FGG: variants seen among roughly 807,000 people sequenced by gnomAD.
FGG encodes fibrinogen gamma chain.
FGG carries 20 observed loss-of-function variants against 51.7 expected under a neutral mutation model. The ratio of observed to expected loss-of-function variants is 0.39; its 90% CI spans 0.27 to 0.56. The LOEUF is 0.56. FGG is among the 20% of genes least tolerant of loss of function. FGG has a pLI of 0.64. For missense variants in FGG, 460 were observed against 534.2 expected, an observed-to-expected ratio of 0.86 and a Z score of 1.37; for synonymous variants, 184 against 184.7, an observed-to-expected ratio of 1.00 and a Z score of 0.03.
chr4:154,610,299 C>A, intron 4 of FGG, 102 bp from the exon 5 acceptor site: 1 of 861,280 alleles, frequency 1.2e-6, no homozygotes, highest in Admixed American at 2.4e-5. Flanking sequence ...TAAGTATTTT[C>A]TTAAGAAGTG....
chr4:154,608,928 G>A (rs1731151557), intron 6 of FGG, among the ~76,000 whole-genome samples: 1 of 152,136 alleles, frequency 6.6e-6, no homozygotes, highest in Non-Finnish European at 1.5e-5. Context: ...ATATTAAAAA[G>A]ACACCTAGAC....
intron 8 of FGG, 33 bp downstream of exon 8, chr4:154,606,672 C>T (rs1313347218): frequency 6.2e-7 from 1 of 1,606,920 alleles, no homozygotes. Context: ...ATACACTATA[C>T]ATTAACTTGG....
intron 4 of FGG, chr4:154,611,316 G>C (rs1398406912): frequency 6.3e-6 from 1 of 157,852 alleles, no homozygotes; most frequent in East Asian, 1.9e-4. Context: ...TGATCAATAT[G>C]AGCTTTGCAA....
Position 154,608,693 on chromosome 4 carries a change from C to T in FGG, c.667-43G>A, listed in dbSNP as rs770956045. The stretch of plus-strand genomic sequence containing the variant: ...AGAGCAAAAGGAGAAAATAGACTAT[C>T]AATGCATGTAAAGAGAATGCTGTCA... On this transcript the variant is annotated intron_variant, in intron 6 of 8. Transcript: ENST00000336098. 5 of 1,534,826 alleles carry T rather than the reference C, an allele frequency of 3.3e-6. No individual in the cohort carries two copies. The East Asian group carries it at 6.7e-5, about 21-fold the overall frequency.
Position 154,612,186 on chromosome 4 carries a change from T to C in FGG, c.139A>G (p.Thr47Ala). ...LDERFGSYCP[T>A]TCGIADFLST... is the part of the protein sequence containing the mutation. ...AGGAAATCTGCAATGCCACAGGTAG[T>C]TGGACAATAACTACCCTGAAAATAT... The change falls in exon 3 of 9, where the codon ACT (threonine) becomes GCT (alanine). Residue 47 changes from threonine to alanine, a missense_variant. By Grantham distance (58) the Thr-to-Ala change is moderately conservative. This residue lies in a region of FGG where 353 missense variants were observed against 391.7 expected (regional missense o/e 0.90). Transcript: ENST00000336098. 1 of 1,610,150 alleles carries C rather than the reference T, an allele frequency of 6.2e-7. No homozygotes were observed. The highest frequency in any genetic ancestry group is 8.5e-7 in the Non-Finnish European group (1 of 1,178,012).
chr4:154,604,701 T>A lies in FGG; in HGVS notation c.*133A>T. 6.7e-7 allele frequency: 1 copy of A among 1,496,662 alleles called. No homozygotes were observed. The highest frequency in any genetic ancestry group is 1.3e-5 in the South Asian group (1 of 74,980). 92.7% of individuals were successfully genotyped at this position (1,496,662 alleles called of 1,614,324 possible). ...TTTGGAAATACAGTCCTAAATGAGT[T>A]TTAATTTCCATTGAAGGCTAAATGT... On this transcript the variant is annotated 3_prime_UTR_variant, in exon 9 of 9. Transcript: ENST00000336098.
At position 154,608,583 on chromosome 4, in the gene FGG, G is replaced by A. The variant is rs145051028; in HGVS notation, c.734C>T (p.Ser245Phe). Residue 245 changes from serine to phenylalanine, a missense_variant, in exon 7 of 9, where the codon TCT becomes TTT. Ser to Phe is a radical substitution (Grantham distance 155). This residue lies in a region of FGG where 353 missense variants were observed against 391.7 expected (regional missense o/e 0.90). Transcript: ENST00000336098. ...CCAAAATTCTGTTGTGCCAGTAGGA[G>A]ACAGATGTCCAAATCCTTCTTTATA... ...IQYKEGFGHL[S>F]PTGTTEFWLG... 128 of 1,613,654 alleles carry A rather than the reference G, an allele frequency of 7.9e-5. No homozygotes were observed. In the African/African-American group the frequency reaches 1.5e-3, roughly 19 times the overall value.
Position 154,605,613 on chromosome 4 carries a change from A to C in FGG, c.1130-547T>G, listed in dbSNP as rs968916726. ...TGTAAAAGGCTTGTCAGAGCACAAC[A>C]CTGGCATGAACTACAGCTCTGGCAT... On this transcript the variant is annotated intron_variant, in intron 8 of 8. Transcript: ENST00000336098. Among the ~76,000 whole-genome samples the C allele has an allele frequency of 5.9e-5, 9 of 152,160 alleles. 1 individual carries two copies. The highest frequency in any genetic ancestry group is 1.2e-4 in the Non-Finnish European group (8 of 68,036).
chr4:154,608,372 C>A (rs1275965810), intron 7 of FGG, 94 bp downstream of exon 7: 12 of 1,256,050 alleles, frequency 9.6e-6, no homozygotes, highest in Non-Finnish European at 1.4e-5. Flanking sequence ...TTGCATTTGT[C>A]AGGCTGCATT....
intron 8 of FGG, among the ~76,000 whole-genome samples, chr4:154,606,201 C>T (rs961366712): frequency 2.9e-4 from 44 of 152,106 alleles, no homozygotes; most frequent in African/African-American, 9.4e-4. Flanking sequence ...AACCCCCATC[C>T]TAAAATAAGT....
intron 5 of FGG, 146 bp from the exon 6 acceptor site, chr4:154,609,909 G>GC: frequency 6.7e-7 from 1 of 1,499,958 alleles, no homozygotes. Context: ...CTTTTAAACT[G>GC]TTTTTTTTAG....
rs770425488 is a variant in FGG at position 154,604,934 on chromosome 4, C to T, written c.1262G>A (p.Gly421Glu). The change falls in exon 9 of 9, where the codon GGA (glycine) becomes GAA (glutamate). Residue 421 changes from glycine to glutamate, a missense_variant. Physicochemically the swap from Gly to Glu is moderately conservative, Grantham distance 98. Coordinates refer to ENST00000336098, the MANE Select transcript of FGG (RefSeq NM_021870.3). ...KIIPFNRLTIGEGQQHHLGGA... is the reference protein window; with the variant it reads ...KIIPFNRLTIEEGQQHHLGGA... ...CCCCAGGTGGTGTTGCTGTCCTTCT[C>T]CAATTGTGAGTCTGTTGAATGGGAT... 1 of 1,614,066 alleles carries T rather than the reference C, an allele frequency of 6.2e-7. No homozygotes were observed. Among genetic ancestry groups the T allele is most frequent in the South Asian group, 1.1e-5 (1 of 91,080 alleles).
At chr4:154,609,925 CA>C in intron 5 of FGG, 141 bp downstream of exon 5, 1 of 1,498,580 alleles carries the variant, frequency 6.7e-7, no homozygotes, top group Non-Finnish European at 9.2e-7. Flanking sequence ...TTTAGCTATT[CA>C]AGAAAGGTCT....
At chr4:154,609,920 C>A in intron 5 of FGG, 147 bp downstream of exon 5, 2 of 1,496,708 alleles carry the variant, frequency 1.3e-6, no homozygotes, top group Non-Finnish European at 1.8e-6. Flanking sequence ...TTTTTTTTAG[C>A]TATTCAAGAA....
In FGG at chr4:154,607,047, T is replaced by C. The variant is rs1017836427; in HGVS notation, c.852-65A>G. The C allele has an allele frequency of 1.6e-5, 24 of 1,492,888 alleles. No individual in the cohort carries two copies. The East Asian group carries it at 5.2e-4, about 33-fold the overall frequency. 92.5% of individuals were successfully genotyped at this position (1,492,888 alleles called of 1,614,324 possible). A position where few individuals can be genotyped will look rare whatever the true frequency, so the allele number is the denominator to read the frequency against. On this transcript the variant is annotated intron_variant, in intron 7 of 8. Coordinates refer to ENST00000336098, the MANE Select transcript of FGG (RefSeq NM_021870.3). ...CTCAGGGATCTCAGAAGTTCCCTCT[T>C]TCGTAGGATGCTTCCTTGGAATTTT...
Position 154,604,839 on chromosome 4 carries a change from A to C in FGG, c.1357T>G (p.Leu453Val). The change falls in exon 9 of 9, where the codon TTG becomes GTG. Residue 453 changes from leucine (L) to valine (V), a missense_variant. Leu to Val is a conservative substitution (Grantham distance 32, BLOSUM62 1). This residue lies in a region of FGG where 92 missense variants were observed against 93.7 expected (regional missense o/e 0.98). Transcript: ENST00000336098. ...AGAAGTTAGCAGTTAATTTTCTACA[A>C]ATCATCCTCAGGGTAAAGTGAGTCA... Reference protein sequence around the residue: ...EYDSLYPEDDL With the variant: ...EYDSLYPEDDV 1 of 1,613,998 alleles carries C rather than the reference A, an allele frequency of 6.2e-7. No individual in the cohort carries two copies. Among genetic ancestry groups the C allele is most frequent in the Non-Finnish European group, 8.5e-7 (1 of 1,179,950 alleles).
At position 154,612,376 on chromosome 4, in the gene FGG, A is replaced by G; in HGVS notation, c.123+15T>C. 1 of 1,612,690 alleles carries G rather than the reference A, an allele frequency of 6.2e-7. No individual in the cohort carries two copies. The highest frequency in any genetic ancestry group is 8.5e-7 in the Non-Finnish European group (1 of 1,179,764). On this transcript the variant is annotated intron_variant, in intron 2 of 8. Transcript: ENST00000336098. ...CCAGTTCACACACAAAGGGAGAAAC[A>G]TAAAAACTACTTACGAATCTTTCAT...
At position 154,604,465 on chromosome 4, in the gene FGG, G is replaced by A. The variant is rs1410429290; in HGVS notation, c.*369C>T. Reference sequence around the variant, plus strand: ...GGGGTAATAAACAAGGAAAATACCTGGGAATTTGAAACTCTAAAATGTTCT... The same window carrying A: ...GGGGTAATAAACAAGGAAAATACCTAGGAATTTGAAACTCTAAAATGTTCT... On this transcript the variant is annotated 3_prime_UTR_variant, in exon 9 of 9. Coordinates refer to ENST00000336098, the MANE Select transcript of FGG (RefSeq NM_021870.3). 8.9e-7 allele frequency: 1 copy of A among 1,122,800 alleles called. No homozygotes were observed. The highest frequency in any genetic ancestry group is 1.2e-6 in the Non-Finnish European group (1 of 817,504). The allele number at this position is 1,122,800 out of a possible 1,614,324, so 69.6% of individuals were successfully genotyped here.
intron 4 of FGG, 147 bp from the exon 5 acceptor site, chr4:154,610,344 G>A: frequency 3.2e-6 from 2 of 624,182 alleles, no homozygotes; most frequent in Non-Finnish European, 5.4e-6. Context: ...TGAGGAAAAT[G>A]TAAAATTATA....
Sources: allele counts gnomAD v4.1 joint callset (sites outside exome capture counted in the v4.1 genomes callset), GRCh38; gene constraint gnomAD v4.1.1; regional missense constraint gnomAD v4.1.1; transcripts MANE v1.5; gene names NCBI Gene and HGNC (gene_info 2026-07-23, HGNC 2026-07-21).